Variants in DOCK7 observed in about 807,000 individuals in gnomAD.
DOCK7 encodes dedicator of cytokinesis protein 7.
In DOCK7, 138 loss-of-function variants were observed where a neutral mutation model predicts 271.0. The observed-to-expected ratio is 0.51, with a 90% confidence interval of 0.44 to 0.59. The LOEUF (loss-of-function observed/expected upper bound fraction) is 0.59. DOCK7 is among the 20% of genes least tolerant of loss of function. The probability of loss-of-function intolerance (pLI) is 0.00; values close to 1 mark genes in which losing one functional copy is unlikely to be tolerated. For missense variants in DOCK7, 2,066 were observed against 2,592.4 expected, an observed-to-expected ratio of 0.80 and a Z score of 4.41; for synonymous variants, 823 against 876.1, an observed-to-expected ratio of 0.94 and a Z score of 1.07.
chr1:62,561,568 G>T, intron 19 of DOCK7, 49 bp downstream of exon 19: 1 of 1,204,950 alleles, frequency 8.3e-7, no homozygotes, highest in Non-Finnish European at 1.1e-6. Context: ...TAGATATTAC[G>T]TTCAATTTAT....
At chr1:62,665,419 A>G (rs1229049366) in intron 1 of DOCK7, among the ~76,000 whole-genome samples, 1 of 152,098 alleles carries the variant, frequency 6.6e-6, no homozygotes, top group Non-Finnish European at 1.5e-5. Context: ...AAAAGACACA[A>G]AACAGGCCAG....
Position 62,509,138 on chromosome 1 carries a change from A to G in DOCK7, c.4380-1080T>C, listed in dbSNP as rs539961900. 7.9e-5 allele frequency among the ~76,000 whole-genome samples: 12 copies of G among 152,072 alleles called. No homozygotes were observed. In the South Asian group the frequency reaches 1.7e-3, roughly 21 times the overall value. ...GAGTTAAGAGACCAGCCTGCACAAC[A>G]TGGCAAAACCCTGTCTCTACAAAAA... is the stretch of plus-strand genomic sequence containing the variant. On this transcript the variant is annotated intron_variant, in intron 34 of 49. Coordinates refer to ENST00000635253, the MANE Select transcript of DOCK7 (RefSeq NM_001367561.1).
At chr1:62,631,680 T>G (rs1654644883) in intron 10 of DOCK7, among the ~76,000 whole-genome samples, 1 of 152,184 alleles carries the variant, frequency 6.6e-6, no homozygotes, top group African/African-American at 2.4e-5. Context: ...CAAACATGTA[T>G]TATGTATTCC....
chr1:62,573,879 C>T (rs956402638), intron 18 of DOCK7, among the ~76,000 whole-genome samples: 14 of 152,048 alleles, frequency 9.2e-5, no homozygotes, highest in African/African-American at 3.4e-4. Context: ...CTGCTCCCAC[C>T]TCAGCCTTCC....
At chr1:62,526,929 C>T (rs551651036) in intron 31 of DOCK7, among the ~76,000 whole-genome samples, 1 of 152,156 alleles carries the variant, frequency 6.6e-6, no homozygotes, top group South Asian at 2.1e-4. Flanking sequence ...GGAACGACTG[C>T]TAATAGGTAT....
At chr1:62,582,467 G>A (rs1213085292) in intron 16 of DOCK7, among the ~76,000 whole-genome samples, 3 of 142,178 alleles carry the variant, frequency 2.1e-5, no homozygotes, top group East Asian at 4.2e-4. Flanking sequence ...GGAGAATGGC[G>A]TGAACCCGGG....
At position 62,634,844 on chromosome 1, in the gene DOCK7, T is replaced by C. The variant is rs2149634956; in HGVS notation, c.964A>G (p.Ile322Val). 2.5e-6 allele frequency: 4 copies of C among 1,613,260 alleles called. No individual in the cohort carries two copies. Among genetic ancestry groups the C allele is most frequent in the African/African-American group, 1.3e-5 (1 of 75,014 alleles). ...LLRPHVPPAA[I>V]TTLARSAIFS... ...ATTGCTGATCTTGCCAGGGTAGTAA[T>C]GGCAGCAGGTGGTACATGTGGACGT... Residue 322 changes from isoleucine (I) to valine (V), a missense_variant, in exon 9 of 50, where the codon ATT becomes GTT. By Grantham distance (29) the Ile-to-Val change is conservative. Coordinates refer to ENST00000635253, the MANE Select transcript of DOCK7 (RefSeq NM_001367561.1).
At chr1:62,519,051 T>C (rs1269347547) in intron 31 of DOCK7, among the ~76,000 whole-genome samples, 2 of 146,190 alleles carry the variant, frequency 1.4e-5, no homozygotes, top group Non-Finnish European at 3.0e-5. Context: ...GAAAACCTAG[T>C]GTAATTATAA....
At chr1:62,564,477 C>A (rs1571561378) in intron 18 of DOCK7, among the ~76,000 whole-genome samples, 1 of 152,196 alleles carries the variant, frequency 6.6e-6, no homozygotes, top group South Asian at 2.1e-4. Flanking sequence ...GAAAGGAAGG[C>A]AGAAATAGAT....
At chr1:62,493,468 C>T (rs192852288) in intron 40 of DOCK7, among the ~76,000 whole-genome samples, 8 of 152,082 alleles carry the variant, frequency 5.3e-5, no homozygotes, top group East Asian at 1.9e-4. Flanking sequence ...GGGTAAATAC[C>T]GATAAGGCAA....
At position 62,455,270 on chromosome 1, in the gene DOCK7, A is replaced by G. The variant is rs1645313972; in HGVS notation, c.*144T>C. On this transcript the variant is annotated 3_prime_UTR_variant, in exon 50 of 50. Coordinates refer to ENST00000635253, the MANE Select transcript of DOCK7 (RefSeq NM_001367561.1). ...CATGATTCTCAAGCGTTAACAATCTACATTTGATATTTTCTTGGCCACTGC... is the reference window on the plus strand; with the variant it reads ...CATGATTCTCAAGCGTTAACAATCTGCATTTGATATTTTCTTGGCCACTGC... 1 of 838,886 alleles carries G rather than the reference A, an allele frequency of 1.2e-6. No individual in the cohort carries two copies. Among genetic ancestry groups the G allele is most frequent in the Admixed American group, 2.0e-5 (1 of 50,298 alleles). 52.0% of individuals were successfully genotyped at this position (838,886 alleles called of 1,614,324 possible).
rs765957528 is a variant in DOCK7, at chr1:62,489,030, T to C, written c.5397A>G (p.Lys1799=). Residue 1799 remains lysine (K), a synonymous_variant, in exon 42 of 50, where the codon AAA becomes AAG. Coordinates refer to ENST00000635253, the MANE Select transcript of DOCK7 (RefSeq NM_001367561.1). ...TAGCTTCATGAATAGGAATAAGTAC[T>C]TTGTAAACTTCATTAACTGCTTCAT... ...GMYEAVNEVY[K]VLIPIHEANR... 1.7e-5 allele frequency: 28 copies of C among 1,604,360 alleles called. No homozygotes were observed. Among genetic ancestry groups the C allele is most frequent in the Non-Finnish European group, 2.2e-5 (26 of 1,173,820 alleles).
intron 24 of DOCK7, chr1:62,543,380 A>C: frequency 4.0e-6 from 1 of 248,004 alleles, no homozygotes; most frequent in African/African-American, 2.2e-5. Flanking sequence ...GAGTTGATAC[A>C]TTTTTTTGGT....
intron 1 of DOCK7, among the ~76,000 whole-genome samples, chr1:62,668,346 T>C (rs879391956): frequency 1.3e-5 from 2 of 152,162 alleles, no homozygotes; most frequent in Non-Finnish European, 2.9e-5. Flanking sequence ...GCAAAGTCTA[T>C]TTAAGAGGGT....
At chr1:62,457,320 T>C (rs1054183005) in intron 49 of DOCK7, among the ~76,000 whole-genome samples, 6 of 152,200 alleles carry the variant, frequency 3.9e-5, no homozygotes, top group African/African-American at 1.4e-4. Flanking sequence ...GCTGACATGA[T>C]GCTCAAAGGA....
intron 30 of DOCK7, 26 bp downstream of exon 30, chr1:62,529,251 A>G: frequency 1.3e-6 from 2 of 1,546,220 alleles, no homozygotes; most frequent in Non-Finnish European, 1.7e-6. Flanking sequence ...TTTGCCTTTA[A>G]TATTTGCCTT....
rs145884686 is a variant in DOCK7 at position 62,477,705 on chromosome 1, A to G, written c.5629T>C (p.Leu1877=). 45 of 1,602,352 alleles carry G rather than the reference A, an allele frequency of 2.8e-5. No individual in the cohort carries two copies. Among genetic ancestry groups the G allele is most frequent in the Non-Finnish European group, 3.7e-5 (43 of 1,176,522 alleles). Residue 1877 remains leucine (L), a synonymous_variant, in exon 44 of 50, where the codon TTG becomes CTG. Coordinates refer to ENST00000635253, the MANE Select transcript of DOCK7 (RefSeq NM_001367561.1). ...TGAACCACCACAGCATTCACCTCCA[A>G]TCTGTGAGATATCTCTGCAAGTTTG... is the stretch of plus-strand genomic sequence containing the variant. ...ITKLAEISHR[L]EGFYGERFGE...
intron 43 of DOCK7, chr1:62,484,052 G>A (rs1646221624): frequency 1.3e-5 from 2 of 151,974 alleles, no homozygotes; most frequent in African/African-American, 4.8e-5. Flanking sequence ...TAACTGCTTG[G>A]ATGTGTTACT....
At chr1:62,685,307 G>A (rs1661602422) in intron 1 of DOCK7, among the ~76,000 whole-genome samples, 1 of 152,098 alleles carries the variant, frequency 6.6e-6, no homozygotes, top group South Asian at 2.1e-4. Flanking sequence ...TCAAACCCAG[G>A]AACTTCATCT....
Sources: gnomAD v4.1 joint callset for allele counts (sites outside exome capture counted in the v4.1 genomes callset) on GRCh38, gnomAD v4.1.1 for gene constraint, MANE v1.5 for transcripts, NCBI Gene and HGNC (gene_info 2026-07-23, HGNC 2026-07-21) for gene names.